The following SCAPER variants were observed in gnomAD, a reference collection of about 807,000 sequenced individuals.
SCAPER encodes the protein S-phase cyclin A associated protein in the ER.
SCAPER carries 98 observed loss-of-function variants against 182.2 expected under a neutral mutation model. That is an observed-to-expected ratio of 0.54 (90% CI 0.46 to 0.64). SCAPER has a LOEUF of 0.64. SCAPER is among the 30% of genes least tolerant of loss of function. SCAPER has a pLI of 0.00. For synonymous variants in SCAPER, 605 were observed against 564.6 expected (o/e 1.07, Z -1.01); for missense variants, 1,432 against 1,690.0 (o/e 0.85, Z 2.68).
At chr15:76,561,977 T>A (rs1270958992) in intron 23 of SCAPER, among the ~76,000 whole-genome samples, 1 of 151,488 alleles carries the variant, frequency 6.6e-6, no homozygotes, top group Non-Finnish European at 1.5e-5. Flanking sequence ...GATCCCCATC[T>A]CTACCAAAAA....
At chr15:76,548,147 G>A (rs1488050199) in intron 23 of SCAPER, among the ~76,000 whole-genome samples, 1 of 151,824 alleles carries the variant, frequency 6.6e-6, no homozygotes, top group Non-Finnish European at 1.5e-5. Context: ...CTTGCTGCTA[G>A]CGCTCATTTA....
At chr15:76,631,582 G>C (rs1044712311) in intron 21 of SCAPER, among the ~76,000 whole-genome samples, 1 of 151,962 alleles carries the variant, frequency 6.6e-6, no homozygotes, top group Non-Finnish European at 1.5e-5. Flanking sequence ...ATTTTAGGTT[G>C]GATTTTCTTT....
At chr15:76,803,163 C>T (rs2065914203) in intron 6 of SCAPER, among the ~76,000 whole-genome samples, 1 of 152,214 alleles carries the variant, frequency 6.6e-6, no homozygotes, top group Non-Finnish European at 1.5e-5. Flanking sequence ...ACAATGTGGT[C>T]CTAGCCTAGC....
At chr15:76,535,249 C>A (rs1215967441) in intron 23 of SCAPER, among the ~76,000 whole-genome samples, 2 of 152,060 alleles carry the variant, frequency 1.3e-5, no homozygotes, top group Non-Finnish European at 2.9e-5. Flanking sequence ...TTTGGCCAGG[C>A]GTGGTGGCTC....
At chr15:76,489,490 C>A (rs1567252851) in intron 24 of SCAPER, among the ~76,000 whole-genome samples, 4 of 151,694 alleles carry the variant, frequency 2.6e-5, no homozygotes, top group Non-Finnish European at 5.9e-5. Context: ...TGTAGTTTTG[C>A]CTTCTTTAGA....
Position 76,376,256 on chromosome 15 carries a change from A to G in SCAPER, c.3761T>C (p.Leu1254Pro). 4.3e-6 allele frequency: 7 copies of G among 1,613,980 alleles called. No homozygotes were observed. The highest frequency in any genetic ancestry group is 5.9e-6 in the Non-Finnish European group (7 of 1,179,862). Residue 1254 changes from leucine to proline, a missense_variant, in exon 29 of 32, where the codon CTG (leucine) becomes CCG (proline). Physicochemically the swap from Leu to Pro is moderately conservative, Grantham distance 98. This residue lies in a region of SCAPER where 718 missense variants were observed against 799.7 expected (regional missense o/e 0.90). Coordinates refer to ENST00000563290, the MANE Select transcript of SCAPER (RefSeq NM_020843.4). ...GGAGACTTGGCTGCAGTGGCCCAGC[A>G]GGGAGCTGGCCATGTGCCGGAATGC... The part of the protein sequence containing the change: ...SLAFRHMASS[L>P]LGHCSQVSCE...
At chr15:76,607,478 TC>T (rs2050539766) in intron 22 of SCAPER, among the ~76,000 whole-genome samples, 1 of 152,212 alleles carries the variant, frequency 6.6e-6, no homozygotes, top group Admixed American at 6.5e-5. Context: ...CTTTGGTGAA[TC>T]TGACAATTTT....
At chr15:76,460,262 T>C (rs577628218) in intron 25 of SCAPER, among the ~76,000 whole-genome samples, 5 of 152,280 alleles carry the variant, frequency 3.3e-5, no homozygotes, top group Admixed American at 3.3e-4. Context: ...GTAGTTTTCC[T>C]TGTAGATGTC....
intron 20 of SCAPER, among the ~76,000 whole-genome samples, chr15:76,668,031 G>A (rs981041701): frequency 1.3e-5 from 2 of 151,750 alleles, no homozygotes; most frequent in Admixed American, 6.6e-5. Context: ...TCAGCATTTC[G>A]AAAATAACAC....
At chr15:76,389,112 G>A (rs1184612804) in intron 27 of SCAPER, among the ~76,000 whole-genome samples, 2 of 152,162 alleles carry the variant, frequency 1.3e-5, no homozygotes, top group East Asian at 1.9e-4. Context: ...AGAAAATGGG[G>A]ATGACTTAAT....
chr15:76,877,933 T>C (rs1051866428), intron 2 of SCAPER, among the ~76,000 whole-genome samples: 20 of 152,342 alleles, frequency 1.3e-4, no homozygotes, highest in Admixed American at 3.9e-4. Context: ...TGTGGTCATA[T>C]AAAAGAATGT....
At chr15:76,472,742 T>C (rs2050288707) in intron 24 of SCAPER, among the ~76,000 whole-genome samples, 1 of 152,182 alleles carries the variant, frequency 6.6e-6, no homozygotes, top group Non-Finnish European at 1.5e-5. Flanking sequence ...AGAATGTCTC[T>C]GATGCTGGAT....
chr15:76,664,943 T>A (rs747274436), intron 21 of SCAPER, among the ~76,000 whole-genome samples: 3 of 152,182 alleles, frequency 2.0e-5, no homozygotes. Context: ...ATTCCTATAA[T>A]CCCATGGGTC....
chr15:76,519,463 C>T (rs1247113282), intron 23 of SCAPER, among the ~76,000 whole-genome samples: 2 of 152,110 alleles, frequency 1.3e-5, no homozygotes, highest in Non-Finnish European at 1.5e-5. Flanking sequence ...GTAGAAAGAC[C>T]ATTTAAGGTT....
intron 5 of SCAPER, among the ~76,000 whole-genome samples, chr15:76,837,687 C>T (rs2069079245): frequency 6.6e-6 from 1 of 152,160 alleles, no homozygotes; most frequent in Non-Finnish European, 1.5e-5. Flanking sequence ...CAATACGAAA[C>T]TACAATGAGA....
At chr15:76,729,090 A>G (rs1045539736) in intron 16 of SCAPER, among the ~76,000 whole-genome samples, 2 of 152,112 alleles carry the variant, frequency 1.3e-5, no homozygotes, top group Non-Finnish European at 2.9e-5. Flanking sequence ...CTACCAGCCT[A>G]CATCCTTCAG....
intron 3 of SCAPER, among the ~76,000 whole-genome samples, chr15:76,860,068 A>G (rs189949170): frequency 1.3e-5 from 2 of 152,236 alleles, no homozygotes; most frequent in Admixed American, 1.3e-4. Flanking sequence ...TTAAAATTGT[A>G]CTGGCCAATT....
intron 25 of SCAPER, among the ~76,000 whole-genome samples, chr15:76,438,968 C>T (rs1018861839): frequency 6.6e-6 from 1 of 152,068 alleles, no homozygotes; most frequent in Non-Finnish European, 1.5e-5. Flanking sequence ...TTTTCTTTTG[C>T]TGGGTTTAAG....
intron 17 of SCAPER, among the ~76,000 whole-genome samples, chr15:76,717,015 T>C (rs997885220): frequency 6.6e-6 from 1 of 151,958 alleles, no homozygotes. Context: ...ATGAAATAGT[T>C]TTAAAAACAG....
Sources: gnomAD v4.1 joint callset for allele counts (sites outside exome capture counted in the v4.1 genomes callset) on GRCh38, gnomAD v4.1.1 for gene constraint, gnomAD v4.1.1 regional missense constraint, MANE v1.5 for transcripts, NCBI Gene and HGNC (gene_info 2026-07-23, HGNC 2026-07-21) for gene names.